The following SLC16A1 variants were observed in gnomAD, a reference collection of about 807,000 sequenced individuals.
The protein encoded by SLC16A1 is monocarboxylate transporter 1.
Under a neutral mutation model 32.2 loss-of-function variants are expected in SLC16A1, and 11 were observed. The ratio of observed to expected loss-of-function variants is 0.34; its 90% CI spans 0.21 to 0.56. SLC16A1 has a LOEUF of 0.56. Ranked by LOEUF, SLC16A1 falls within the 20% of genes least tolerant of loss-of-function variation. The pLI, the probability that SLC16A1 is intolerant of heterozygous loss-of-function variation, is 0.87. For synonymous variants in SLC16A1, 231 were observed against 226.8 expected, an observed-to-expected ratio of 1.02 and a Z score of -0.17; for missense variants, 435 against 615.0, an observed-to-expected ratio of 0.71 and a Z score of 3.10.
chr1:112,929,006 ACTT>A, intron 2 of SLC16A1, 83 bp downstream of exon 2: 3 of 861,874 alleles, frequency 3.5e-6, no homozygotes, highest in Non-Finnish European at 5.4e-6. Flanking sequence ...ACTGAATAAG[ACTT>A]TTTTTTTTTT....
intron 1 of SLC16A1, among the ~76,000 whole-genome samples, chr1:112,935,169 C>G (rs563740746): frequency 6.6e-6 from 1 of 151,874 alleles, no homozygotes; most frequent in East Asian, 1.9e-4. Context: ...AATCCCAACA[C>G]TTTGGGAGGC....
intron 1 of SLC16A1, among the ~76,000 whole-genome samples, chr1:112,950,653 G>A (rs921149443): frequency 2.6e-5 from 4 of 152,204 alleles, no homozygotes; most frequent in East Asian, 1.9e-4. Context: ...CCTCACTGGT[G>A]TGGTGGATGT....
chr1:112,937,998 G>A (rs749784028), intron 1 of SLC16A1, among the ~76,000 whole-genome samples: 10 of 152,060 alleles, frequency 6.6e-5, no homozygotes, highest in African/African-American at 1.4e-4. Flanking sequence ...CTGGAAAGCC[G>A]AAGCTGTGCT....
At position 112,941,116 on chromosome 1, in the gene SLC16A1, T is replaced by C. The variant is rs904676416; in HGVS notation, c.-44-11764A>G. 3.9e-5 allele frequency among the ~76,000 whole-genome samples: 6 copies of C among 152,218 alleles called. No homozygotes were observed. The East Asian group carries it at 7.7e-4, about 20-fold the overall frequency. Reference sequence around the variant, plus strand: ...CTTACTTCCTGGGTGATGGGTTCAATTGTACTCCAAACCTTACCATCATGC... The same window carrying C: ...CTTACTTCCTGGGTGATGGGTTCAACTGTACTCCAAACCTTACCATCATGC... On this transcript the variant is annotated intron_variant, in intron 1 of 4. Transcript: ENST00000369626.
At chr1:112,933,579 C>T (rs1274161197) in intron 1 of SLC16A1, among the ~76,000 whole-genome samples, 1 of 151,408 alleles carries the variant, frequency 6.6e-6, no homozygotes, top group Non-Finnish European at 1.5e-5. Flanking sequence ...GGCAAATCAC[C>T]CAGCTTAAAA....
intron 1 of SLC16A1, among the ~76,000 whole-genome samples, chr1:112,939,520 GAA>G (rs1649429352): frequency 2.6e-5 from 4 of 151,920 alleles, no homozygotes; most frequent in Admixed American, 2.0e-4. Flanking sequence ...AGAAAATGTG[GAA>G]AATACATATA....
chr1:112,920,855 G>C (rs1479917126), intron 3 of SLC16A1, among the ~76,000 whole-genome samples: 1 of 151,566 alleles, frequency 6.6e-6, no homozygotes, highest in East Asian at 2.0e-4. Flanking sequence ...TTCAACATCA[G>C]AAGGCCGGGC....
chr1:112,912,494 T>C lies in SLC16A1; in HGVS notation c.*1397A>G, dbSNP rs1001940458. The stretch of plus-strand genomic sequence containing the variant: ...GAATGTCTGTATCTTTCTGCCTCGA[T>C]TTAAGTGATATTAGGTTAAAAAAAT... On this transcript the variant is annotated 3_prime_UTR_variant, in exon 5 of 5. Coordinates refer to ENST00000369626, the MANE Select transcript of SLC16A1 (RefSeq NM_003051.4). 1.3e-5 allele frequency: 2 copies of C among 152,204 alleles called. No homozygotes were observed. The highest frequency in any genetic ancestry group is 6.5e-5 in the Admixed American group (1 of 15,284). The allele number at this position is 152,204 out of a possible 1,614,324, so 9.4% of individuals were successfully genotyped here.
chr1:112,913,867 A>G lies in SLC16A1; in HGVS notation c.*24T>C. On this transcript the variant is annotated 3_prime_UTR_variant, in exon 5 of 5. Transcript: ENST00000369626. ...AGATATCCTGGGTCATGAACTGCTCAATTTACCCTTCAGCCCCATGGATTC... is the reference window on the plus strand; with the variant it reads ...AGATATCCTGGGTCATGAACTGCTCGATTTACCCTTCAGCCCCATGGATTC... 2.5e-6 allele frequency: 4 copies of G among 1,614,058 alleles called. No homozygotes were observed. Among genetic ancestry groups the G allele is most frequent in the Non-Finnish European group, 3.4e-6 (4 of 1,179,938 alleles).
At chr1:112,948,245 AAG>A (rs1314801852) in intron 1 of SLC16A1, among the ~76,000 whole-genome samples, 2 of 152,150 alleles carry the variant, frequency 1.3e-5, no homozygotes, top group East Asian at 1.9e-4. Flanking sequence ...AGAAAAAAAA[AAG>A]AGAAAAGTTC....
intron 1 of SLC16A1, 46 bp from the exon 2 acceptor site, chr1:112,929,398 T>C (rs1408215376): frequency 7.7e-6 from 8 of 1,037,012 alleles, no homozygotes; most frequent in African/African-American, 1.6e-5. Flanking sequence ...AAGGCACACC[T>C]ATAAAACTCT....
intron 1 of SLC16A1, among the ~76,000 whole-genome samples, chr1:112,929,892 C>A (rs1029311136): frequency 1.3e-5 from 2 of 152,088 alleles, no homozygotes; most frequent in African/African-American, 4.8e-5. Flanking sequence ...TGATGAGATT[C>A]CAGGTTGGTC....
chr1:112,940,440 C>CAA (rs910401217), intron 1 of SLC16A1, among the ~76,000 whole-genome samples: 2 of 152,072 alleles, frequency 1.3e-5, no homozygotes, highest in African/African-American at 4.8e-5. Flanking sequence ...ACTTTGAGAA[C>CAA]GGCTGTTTTT....
At chr1:112,928,588 T>A (rs1649016537) in intron 2 of SLC16A1, among the ~76,000 whole-genome samples, 1 of 152,240 alleles carries the variant, frequency 6.6e-6, no homozygotes, top group South Asian at 2.1e-4. Context: ...AGGGTGCAGC[T>A]GAAATGCTTT....
intron 1 of SLC16A1, among the ~76,000 whole-genome samples, chr1:112,936,283 G>A (rs890486533): frequency 6.6e-6 from 1 of 151,928 alleles, no homozygotes; most frequent in African/African-American, 2.4e-5. Context: ...CGAGGCGGGT[G>A]GATCACTTGA....
At chr1:112,918,859 G>T (rs1648610600) in intron 3 of SLC16A1, among the ~76,000 whole-genome samples, 1 of 151,984 alleles carries the variant, frequency 6.6e-6, no homozygotes, top group African/African-American at 2.4e-5. Flanking sequence ...TTCCACTATA[G>T]CACCAAAACT....
chr1:112,923,890 C>T (rs1648830946), intron 2 of SLC16A1: 15 of 1,524,558 alleles, frequency 9.8e-6, no homozygotes, highest in East Asian at 2.3e-5. Context: ...CAGGTGAAAA[C>T]GGAGCTCTTC....
intron 4 of SLC16A1, among the ~76,000 whole-genome samples, chr1:112,916,573 A>T (rs973163869): frequency 3.3e-5 from 5 of 151,546 alleles, no homozygotes; most frequent in Admixed American, 6.6e-5. Context: ...CTAGCGCTTT[A>T]AAGATTGGGT....
intron 1 of SLC16A1, among the ~76,000 whole-genome samples, chr1:112,951,489 G>A (rs778388417): frequency 1.3e-5 from 2 of 152,152 alleles, no homozygotes; most frequent in Non-Finnish European, 2.9e-5. Flanking sequence ...TGGAAAAGCA[G>A]ATCATCAATA....
Sources: gnomAD v4.1 joint callset for allele counts (sites outside exome capture counted in the v4.1 genomes callset) on GRCh38, gnomAD v4.1.1 for gene constraint, MANE v1.5 for transcripts, NCBI Gene and HGNC (gene_info 2026-07-23, HGNC 2026-07-21) for gene names.